The following SAMD12 variants were observed in gnomAD, a reference collection of about 807,000 sequenced individuals.
SAMD12 encodes sterile alpha motif domain-containing protein 12.
SAMD12 carries 9 observed loss-of-function variants against 15.0 expected under a neutral mutation model. The ratio of observed to expected loss-of-function variants is 0.60; its 90% confidence interval spans 0.36 to 1.05. The LOEUF is 1.05. Among genes scored for constraint, SAMD12 ranks in the 50% least tolerant of loss-of-function variants. The pLI is 0.01. For missense variants in SAMD12, 230 were observed against 234.2 expected, an observed-to-expected ratio of 0.98 and a Z score of 0.12; for synonymous variants, 86 against 90.1, an observed-to-expected ratio of 0.96 and a Z score of 0.25.
At chr8:118,265,891 C>T (rs562451837) in intron 4 of SAMD12, among the ~76,000 whole-genome samples, 117 of 151,886 alleles carry the variant, frequency 7.7e-4, no homozygotes, top group Middle Eastern at 3.4e-3. Flanking sequence ...CAAGACTGTA[C>T]GACATCATAC....
chr8:118,528,233 C>T (rs1174181178), intron 2 of SAMD12, among the ~76,000 whole-genome samples: 6 of 152,016 alleles, frequency 3.9e-5, no homozygotes, highest in Admixed American at 6.6e-5. Context: ...GGTTTAACCA[C>T]GTTGGCCAGG....
chr8:118,598,299 T>C (rs990366479), intron 1 of SAMD12, among the ~76,000 whole-genome samples: 1 of 152,194 alleles, frequency 6.6e-6, no homozygotes, highest in Non-Finnish European at 1.5e-5. Flanking sequence ...TAAAGGGCTA[T>C]TTAAAGTTAA....
chr8:118,474,731 C>T (rs73315346), intron 2 of SAMD12, among the ~76,000 whole-genome samples: 2,481 of 152,028 alleles, frequency 0.016, 72 homozygotes, highest in African/African-American at 0.057. Flanking sequence ...AATTCATTTA[C>T]TATTCCCATC....
chr8:118,398,048 C>T (rs1820671937), intron 3 of SAMD12, among the ~76,000 whole-genome samples: 1 of 152,178 alleles, frequency 6.6e-6, no homozygotes, highest in African/African-American at 2.4e-5. Context: ...CTCGGGCTCC[C>T]AAAGTGCTGG....
intron 1 of SAMD12, among the ~76,000 whole-genome samples, chr8:118,593,801 T>C: frequency 6.6e-6 from 1 of 152,324 alleles, no homozygotes; most frequent in East Asian, 1.9e-4. Flanking sequence ...TATAGTTGTG[T>C]AATTGTTTGT....
intron 4 of SAMD12, among the ~76,000 whole-genome samples, chr8:118,265,068 C>A (rs573736513): frequency 6.6e-6 from 1 of 152,102 alleles, no homozygotes; most frequent in African/African-American, 2.4e-5. Context: ...GCACTATCAT[C>A]GCTACTAAGC....
intron 2 of SAMD12, among the ~76,000 whole-genome samples, chr8:118,458,866 A>G (rs1823332243): frequency 6.6e-6 from 1 of 152,150 alleles, no homozygotes; most frequent in Non-Finnish European, 1.5e-5. Flanking sequence ...AAAGTTGAAA[A>G]TCTGTAGATT....
intron 3 of SAMD12, among the ~76,000 whole-genome samples, chr8:118,394,100 A>G (rs1820430521): frequency 6.6e-6 from 1 of 152,258 alleles, no homozygotes; most frequent in Non-Finnish European, 1.5e-5. Flanking sequence ...AAGAGACAAT[A>G]CAAACACACA....
At chr8:118,553,824 A>C (rs1193669787) in intron 2 of SAMD12, among the ~76,000 whole-genome samples, 2 of 148,826 alleles carry the variant, frequency 1.3e-5, no homozygotes, top group Non-Finnish European at 3.0e-5. Context: ...ATGAACTCAA[A>C]CAAATTTACA....
At chr8:118,192,923 T>C (rs1819449739) in exon 5 of SAMD12, 1 of 152,322 alleles carries the variant, frequency 6.6e-6, no homozygotes, top group Non-Finnish European at 1.5e-5. Flanking sequence ...GGTTTTTAAA[T>C]AGCCTTACGT....
At chr8:118,609,683 CTAT>C (rs1563610484) in intron 1 of SAMD12, among the ~76,000 whole-genome samples, 1 of 152,210 alleles carries the variant, frequency 6.6e-6, no homozygotes, top group Non-Finnish European at 1.5e-5. Flanking sequence ...CCTTATCACC[CTAT>C]TATTACATTA....
intron 4 of SAMD12, among the ~76,000 whole-genome samples, chr8:118,242,052 C>A (rs28370847): frequency 0.021 from 3,199 of 152,132 alleles, 115 homozygotes; most frequent in African/African-American, 0.074. Flanking sequence ...AGCTGGGACC[C>A]CAGGCACATG....
intron 4 of SAMD12, among the ~76,000 whole-genome samples, chr8:118,355,776 A>G (rs1818199438): frequency 6.6e-6 from 1 of 152,358 alleles, no homozygotes; most frequent in African/African-American, 2.4e-5. Context: ...ATATCTGTAT[A>G]TAGAAGCTTA....
At chr8:118,348,729 T>A (rs1817801788) in intron 4 of SAMD12, among the ~76,000 whole-genome samples, 1 of 152,190 alleles carries the variant, frequency 6.6e-6, no homozygotes, top group South Asian at 2.1e-4. Context: ...GCTGTTTTGA[T>A]CCTTTGCTCC....
intron 4 of SAMD12, among the ~76,000 whole-genome samples, chr8:118,261,339 CA>C (rs1373667200): frequency 6.6e-6 from 1 of 151,984 alleles, no homozygotes; most frequent in Non-Finnish European, 1.5e-5. Flanking sequence ...AAACACAAAG[CA>C]AAATCAAAGC....
At chr8:118,366,838 A>T (rs4876814) in intron 4 of SAMD12, among the ~76,000 whole-genome samples, 51,117 of 101,908 alleles carry the variant, frequency 0.5, 11,027 homozygotes, top group African/African-American at 0.62. Context: ...AAATAAAATA[A>T]AATAAAATAA....
intron 2 of SAMD12, among the ~76,000 whole-genome samples, chr8:118,537,641 A>G (rs1825882398): frequency 6.6e-6 from 1 of 152,058 alleles, no homozygotes; most frequent in Non-Finnish European, 1.5e-5. Context: ...AAATTATTTC[A>G]ATCTCTTTAT....
intron 1 of SAMD12, among the ~76,000 whole-genome samples, chr8:118,606,526 AC>A (rs1382375978): frequency 6.6e-6 from 1 of 151,910 alleles, no homozygotes; most frequent in African/African-American, 2.4e-5. Flanking sequence ...CCTGGGGTGA[AC>A]CCCAGAAAAC....
At chr8:118,332,535 C>T (rs1294917583) in intron 4 of SAMD12, among the ~76,000 whole-genome samples, 2 of 152,306 alleles carry the variant, frequency 1.3e-5, no homozygotes, top group South Asian at 2.1e-4. Flanking sequence ...TACAATTGTG[C>T]TCATCCCTGC....
Sources: allele counts gnomAD v4.1 joint callset (sites outside exome capture counted in the v4.1 genomes callset), GRCh38; gene constraint gnomAD v4.1.1; transcripts MANE v1.5; gene names NCBI Gene and HGNC (gene_info 2026-07-23, HGNC 2026-07-21).